CTH: variants seen among roughly 807,000 people sequenced by gnomAD.
The protein encoded by CTH is cystathionine gamma-lyase, also known as cystathionase (cystathionine gamma-lyase).
A neutral mutation model predicts 50.6 loss-of-function variants in CTH; 41 were observed. The observed-to-expected ratio is 0.81, with a 90% confidence interval of 0.63 to 1.05. The LOEUF is 1.05. CTH is among the 50% of genes least tolerant of loss of function. The pLI, the probability that CTH is intolerant of heterozygous loss-of-function variation, is 0.00. For synonymous variants in CTH, 156 were observed against 168.9 expected (o/e 0.92, Z 0.59); for missense variants, 470 against 492.6 (o/e 0.95, Z 0.43).
intron 5 of CTH, among the ~76,000 whole-genome samples, chr1:70,424,703 G>A (rs1684308767): frequency 6.6e-6 from 1 of 152,226 alleles, no homozygotes; most frequent in Non-Finnish European, 1.5e-5. Context: ...AGCACTTTGG[G>A]AGGCCGAGGC....
chr1:70,426,752 G>C (rs1684354124), intron 5 of CTH, among the ~76,000 whole-genome samples: 1 of 152,122 alleles, frequency 6.6e-6, no homozygotes, highest in African/African-American at 2.4e-5. Context: ...TTTGTCCCAG[G>C]TGGTTTTCAG....
intron 10 of CTH, among the ~76,000 whole-genome samples, chr1:70,436,138 C>T (rs1298346085): frequency 1.3e-5 from 2 of 150,714 alleles, no homozygotes; most frequent in African/African-American, 4.9e-5. Context: ...TGGTGAAACC[C>T]TGTCTCTCCT....
chr1:70,430,321 C>T lies in CTH; in HGVS notation c.651C>T (p.His217=). 6.3e-7 allele frequency: 1 copy of T among 1,577,152 alleles called. No individual in the cohort carries two copies. Among genetic ancestry groups the T allele is most frequent in the Non-Finnish European group, 8.7e-7 (1 of 1,146,802 alleles). ...TTGTTTGTTTTTTGTTTTTAGGCCA[C>T]AGTGATGTTGTAATGGGCCTGGTGT... ...MYSATKYMNG[H]SDVVMGLVSV... Residue 217 remains histidine, a synonymous_variant, in exon 7 of 12, where the codon CAC becomes CAT. Transcript: ENST00000370938.
chr1:70,439,179 G>A lies in CTH; in HGVS notation c.*52G>A, dbSNP rs763301493. On this transcript the variant is annotated 3_prime_UTR_variant, in exon 12 of 12. Transcript: ENST00000370938. Reference sequence around the variant, plus strand: ...CTTCCTGTGAAGATCAAATCTTCCTGAGTAATTAAATGGACCAACAATGAG... The same window carrying A: ...CTTCCTGTGAAGATCAAATCTTCCTAAGTAATTAAATGGACCAACAATGAG... 2 of 1,555,916 alleles carry A rather than the reference G, an allele frequency of 1.3e-6. No homozygotes were observed. The highest frequency in any genetic ancestry group is 1.8e-6 in the Non-Finnish European group (2 of 1,126,912).
intron 9 of CTH, among the ~76,000 whole-genome samples, 189 bp downstream of exon 9, chr1:70,434,138 C>T (rs957224189): frequency 6.6e-6 from 1 of 152,220 alleles, no homozygotes; most frequent in African/African-American, 2.4e-5. Context: ...AATATGTTCA[C>T]TTACTTAACT....
At chr1:70,436,591 C>T (rs1684603488) in intron 10 of CTH, among the ~76,000 whole-genome samples, 1 of 151,784 alleles carries the variant, frequency 6.6e-6, no homozygotes, top group Non-Finnish European at 1.5e-5. Flanking sequence ...TGTCAGGTCC[C>T]ACCAAAGTTT....
chr1:70,430,137 T>C (rs1459187453), intron 6 of CTH, among the ~76,000 whole-genome samples, 180 bp from the exon 7 acceptor site: 1 of 152,250 alleles, frequency 6.6e-6, no homozygotes, highest in Admixed American at 6.5e-5. Flanking sequence ...ATTTTCTTGT[T>C]TTAGACATAG....
chr1:70,438,463 C>T (rs919392039), intron 10 of CTH, among the ~76,000 whole-genome samples: 1 of 152,102 alleles, frequency 6.6e-6, no homozygotes, highest in African/African-American at 2.4e-5. Flanking sequence ...GCATATCTTA[C>T]CAATGGTATA....
intron 11 of CTH, 42 bp from the exon 12 acceptor site, chr1:70,439,059 A>G (rs753910024): frequency 3.8e-6 from 6 of 1,588,160 alleles, no homozygotes; most frequent in Admixed American, 1.7e-5. Flanking sequence ...GCTATGGCCT[A>G]TATGTTTAAT....
chr1:70,417,573 C>T (rs1187807868), intron 2 of CTH, among the ~76,000 whole-genome samples: 2 of 152,198 alleles, frequency 1.3e-5, no homozygotes. Flanking sequence ...GCATTAGCCA[C>T]CACGCCTGCC....
At chr1:70,411,625 A>T in intron 1 of CTH, 42 bp downstream of exon 1, 1 of 1,595,566 alleles carries the variant, frequency 6.3e-7, no homozygotes, top group East Asian at 2.2e-5. Flanking sequence ...TTGGGCGGTA[A>T]AAGAGATACG....
intron 10 of CTH, among the ~76,000 whole-genome samples, chr1:70,436,994 A>T (rs985411340): frequency 1.3e-5 from 2 of 151,990 alleles, no homozygotes. Context: ...CTGTTCTATC[A>T]CCCTTCATTC....
At chr1:70,412,463 G>T (rs1054781908) in intron 1 of CTH, among the ~76,000 whole-genome samples, 19 of 152,122 alleles carry the variant, frequency 1.2e-4, no homozygotes, top group Admixed American at 1.0e-3. Context: ...TAAATTAGCT[G>T]GGCATGGTGG....
chr1:70,411,293 C>A lies in CTH; in HGVS notation c.-123C>A. 1.0e-6 allele frequency: 1 copy of A among 977,360 alleles called. No individual in the cohort carries two copies. Among genetic ancestry groups the A allele is most frequent in the Non-Finnish European group, 1.7e-6 (1 of 599,940 alleles). 60.5% of individuals were successfully genotyped at this position (977,360 alleles called of 1,614,324 possible). On this transcript the variant is annotated 5_prime_UTR_variant, in exon 1 of 12. Coordinates refer to ENST00000370938, the MANE Select transcript of CTH (RefSeq NM_001902.6). Reference sequence around the variant, plus strand: ...GCCGCTTTAGTGCGCTCGCCGTCGGCTCTACCTGCGTGCTTTAGCTCCTTC... The same window carrying A: ...GCCGCTTTAGTGCGCTCGCCGTCGGATCTACCTGCGTGCTTTAGCTCCTTC...
At chr1:70,412,548 C>T (rs1683990951) in intron 1 of CTH, among the ~76,000 whole-genome samples, 1 of 152,130 alleles carries the variant, frequency 6.6e-6, no homozygotes, top group Non-Finnish European at 1.5e-5. Context: ...TGCAGTGAGC[C>T]AAGATCTCAC....
chr1:70,417,864 G>A lies in CTH; in HGVS notation c.251-73G>A, dbSNP rs560985487. On this transcript the variant is annotated intron_variant, in intron 2 of 11. Transcript: ENST00000370938. ...TCCTATCTGCATTAAAGTAAGTCAG[G>A]TAAATACTTGGAGGTGTGTTGTAAC... is the stretch of plus-strand genomic sequence containing the variant. The A allele has an allele frequency of 1.9e-6, 3 of 1,546,880 alleles. No individual in the cohort carries two copies. In the African/African-American group the frequency reaches 4.1e-5, roughly 21 times the overall value.
intron 4 of CTH, 39 bp downstream of exon 4, chr1:70,421,714 C>T (rs1175144100): frequency 6.9e-6 from 11 of 1,589,268 alleles, no homozygotes; most frequent in East Asian, 6.7e-5. Flanking sequence ...GTTTTTCCTT[C>T]GATGTTTTGT....
chr1:70,425,713 G>C (rs1684332242), intron 5 of CTH, among the ~76,000 whole-genome samples: 1 of 152,176 alleles, frequency 6.6e-6, no homozygotes, highest in Non-Finnish European at 1.5e-5. Flanking sequence ...GTAGGAGCAA[G>C]AGAGAGAACG....
chr1:70,422,426 A>G (rs1684245390), intron 4 of CTH, among the ~76,000 whole-genome samples: 1 of 152,218 alleles, frequency 6.6e-6, no homozygotes, highest in African/African-American at 2.4e-5. Flanking sequence ...AATGATTAAA[A>G]GGTTAGAATT....
Sources: gnomAD v4.1 joint callset for allele counts (sites outside exome capture counted in the v4.1 genomes callset) on GRCh38, gnomAD v4.1.1 for gene constraint, MANE v1.5 for transcripts, NCBI Gene and HGNC (gene_info 2026-07-23, HGNC 2026-07-21) for gene names.